Variants in ZCCHC4 observed in about 807,000 individuals in gnomAD.
ZCCHC4 encodes rRNA N(6)-adenosine-methyltransferase ZCCHC4.
In ZCCHC4, 54 loss-of-function variants were observed where a neutral mutation model predicts 67.7. The ratio of observed to expected loss-of-function variants is 0.80; its 90% CI spans 0.64 to 1.00. The LOEUF (loss-of-function observed/expected upper bound fraction) is 1.00. Ranked by LOEUF, ZCCHC4 falls within the 50% of genes least tolerant of loss-of-function variation. ZCCHC4 has a pLI of 0.00. For missense variants in ZCCHC4, 609 were observed against 617.0 expected, an observed-to-expected ratio of 0.99 and a Z score of 0.14; for synonymous variants, 198 against 213.5, an observed-to-expected ratio of 0.93 and a Z score of 0.63.
At chr4:25,314,430 C>G (rs187261650) in intron 2 of ZCCHC4, among the ~76,000 whole-genome samples, 1 of 152,198 alleles carries the variant, frequency 6.6e-6, no homozygotes, top group South Asian at 2.1e-4. Context: ...TGTGTGTTAG[C>G]TTGGGCTTCT....
chr4:25,325,307 T>C lies in ZCCHC4; in HGVS notation c.330-7876T>C, dbSNP rs1238285633. Among the ~76,000 whole-genome samples the C allele has an allele frequency of 9.5e-5, 14 of 147,194 alleles. No individual in the cohort carries two copies. In the East Asian group the frequency reaches 1.4e-3, roughly 14 times the overall value. ...CTTGGGTCGTCTTTTCACTCTCTCT[T>C]TTTTTTTTTTTTGGCAGTGGTGCCA... On this transcript the variant is annotated intron_variant, in intron 3 of 12. Transcript: ENST00000302874.
chr4:25,361,514 G>A (rs1720735936), intron 8 of ZCCHC4, among the ~76,000 whole-genome samples: 1 of 152,228 alleles, frequency 6.6e-6, no homozygotes, highest in South Asian at 2.1e-4. Context: ...GCCCGTGCTT[G>A]GCCTGGAGCC....
intron 8 of ZCCHC4, among the ~76,000 whole-genome samples, chr4:25,360,896 C>T (rs191958989): frequency 6.6e-6 from 1 of 152,304 alleles, no homozygotes; most frequent in Non-Finnish European, 1.5e-5. Context: ...TGGTTTGAAA[C>T]TGGGCATGGG....
chr4:25,326,021 G>A (rs967624402), intron 3 of ZCCHC4, among the ~76,000 whole-genome samples: 2 of 152,232 alleles, frequency 1.3e-5, no homozygotes, highest in African/African-American at 4.8e-5. Context: ...TGCTGCTGGA[G>A]CAACTTACCA....
At chr4:25,319,019 G>A (rs1289692002) in intron 3 of ZCCHC4, among the ~76,000 whole-genome samples, 2 of 152,174 alleles carry the variant, frequency 1.3e-5, no homozygotes, top group Non-Finnish European at 2.9e-5. Flanking sequence ...TAGTAATGGG[G>A]TTGAGATATA....
In ZCCHC4 at chr4:25,334,495, G is replaced by A. The variant is rs565135104; in HGVS notation, c.686+507G>A. ...CAGGTCCCAAAGCAGAGGAGTAGCCGACAGATAGACTTTGTGAGAGGGTCA... is the reference window on the plus strand; with the variant it reads ...CAGGTCCCAAAGCAGAGGAGTAGCCAACAGATAGACTTTGTGAGAGGGTCA... On this transcript the variant is annotated intron_variant, in intron 5 of 12. Transcript: ENST00000302874. 5.9e-5 allele frequency among the ~76,000 whole-genome samples: 9 copies of A among 152,276 alleles called. No homozygotes were observed. The East Asian group carries it at 1.3e-3, about 23-fold the overall frequency.
At chr4:25,353,370 T>A (rs1282009656) in intron 8 of ZCCHC4, among the ~76,000 whole-genome samples, 1 of 152,252 alleles carries the variant, frequency 6.6e-6, no homozygotes, top group Non-Finnish European at 1.5e-5. Flanking sequence ...CTTGACTTCT[T>A]GAGCTCTGCT....
At chr4:25,331,195 C>T (rs893757770) in intron 3 of ZCCHC4, among the ~76,000 whole-genome samples, 3 of 152,156 alleles carry the variant, frequency 2.0e-5, no homozygotes, top group Non-Finnish European at 1.5e-5. Flanking sequence ...GCTAGTTGTC[C>T]GATATCTTCA....
rs141229300 is a variant in ZCCHC4, at chr4:25,315,358, G to A, written c.287G>A (p.Arg96Gln). Residue 96 changes from arginine to glutamine, a missense_variant, in exon 3 of 13, where the codon CGA becomes CAA. Coordinates refer to ENST00000302874, the MANE Select transcript of ZCCHC4 (RefSeq NM_024936.3). ...CTTGCTGCCCGAGAAGCTCATAACCGAAGATGTCAGCCTCCCCTGTCCCGA... is the reference window on the plus strand; with the variant it reads ...CTTGCTGCCCGAGAAGCTCATAACCAAAGATGTCAGCCTCCCCTGTCCCGA... ...ARLAAREAHN[R>Q]RCQPPLSRTQ... is the part of the protein sequence containing the mutation. The A allele has an allele frequency of 8.6e-4, 1,384 of 1,612,972 alleles. 7 individuals carry two copies. Among genetic ancestry groups the A allele is most frequent in the Non-Finnish European group, 4.6e-4 (541 of 1,179,342 alleles).
chr4:25,334,387 T>G (rs573478242), intron 5 of ZCCHC4, among the ~76,000 whole-genome samples: 2 of 152,388 alleles, frequency 1.3e-5, no homozygotes, highest in Admixed American at 1.3e-4. Context: ...GACATTTCTT[T>G]TAGTATATTT....
intron 7 of ZCCHC4, 52 bp downstream of exon 7, chr4:25,349,694 G>A: frequency 6.4e-7 from 1 of 1,569,266 alleles, no homozygotes; most frequent in Non-Finnish European, 8.7e-7. Context: ...TCTACTTCCT[G>A]TCAAATATTA....
intron 5 of ZCCHC4, among the ~76,000 whole-genome samples, chr4:25,342,996 A>G (rs1719828919): frequency 6.6e-6 from 1 of 152,182 alleles, no homozygotes. Flanking sequence ...AATGACAACA[A>G]TAGGGATTAT....
At chr4:25,333,773 C>A in intron 4 of ZCCHC4, 135 bp from the exon 5 acceptor site, 1 of 699,250 alleles carries the variant, frequency 1.4e-6, no homozygotes, top group Non-Finnish European at 2.2e-6. Context: ...CTTGATTATA[C>A]CTGCCAAATT....
intron 7 of ZCCHC4, among the ~76,000 whole-genome samples, chr4:25,350,716 T>G (rs560617125): frequency 4.0e-4 from 61 of 152,330 alleles, no homozygotes; most frequent in African/African-American, 1.4e-3. Context: ...AAATGAAATA[T>G]AAAACGTGAC....
At chr4:25,319,045 T>C in intron 3 of ZCCHC4, among the ~76,000 whole-genome samples, 1 of 152,286 alleles carries the variant, frequency 6.6e-6, no homozygotes, top group East Asian at 1.9e-4. Flanking sequence ...AAAGATAATT[T>C]AGTATAAAGT....
rs771042100 is a variant in ZCCHC4 at position 25,351,600 on chromosome 4, A to G, written c.922A>G (p.Lys308Glu). The G allele has an allele frequency of 1.9e-6, 3 of 1,607,904 alleles. No individual in the cohort carries two copies. Among genetic ancestry groups the G allele is most frequent in the Admixed American group, 3.4e-5 (2 of 59,554 alleles). ...KEGQSQDDSH[K>E]ELPIFWIFPY... ...TTGTGATCCATTAGATGACAGTCAC[A>G]AAGAACTACCCATTTTCTGGATTTT... Residue 308 changes from lysine (K) to glutamate (E), a missense_variant, in exon 8 of 13, where the codon AAA (lysine) becomes GAA (glutamate). By Grantham distance (56) the Lys-to-Glu change is moderately conservative. Coordinates refer to ENST00000302874, the MANE Select transcript of ZCCHC4 (RefSeq NM_024936.3).
rs113667142 is a variant in ZCCHC4 at position 25,328,405 on chromosome 4, A to C, written c.330-4778A>C. On this transcript the variant is annotated intron_variant, in intron 3 of 12. Coordinates refer to ENST00000302874, the MANE Select transcript of ZCCHC4 (RefSeq NM_024936.3). The stretch of plus-strand genomic sequence containing the variant: ...CAGGCACCCACCACCATGCCCAGCT[A>C]ATTTTTGTATTTTTCGTAGAGATGG... 9.3e-3 allele frequency among the ~76,000 whole-genome samples: 1,418 copies of C among 152,046 alleles called. 25 individuals carry two copies. Among genetic ancestry groups the C allele is most frequent in the African/African-American group, 0.033 (1,352 of 41,470 alleles).
intron 3 of ZCCHC4, among the ~76,000 whole-genome samples, chr4:25,330,109 G>A (rs952907427): frequency 1.3e-4 from 19 of 151,956 alleles, no homozygotes; most frequent in African/African-American, 4.6e-4. Flanking sequence ...TCCTGCCTTG[G>A]CCTCCCAAGT....
intron 1 of ZCCHC4, 152 bp from the exon 2 acceptor site, chr4:25,313,894 A>T: frequency 1.7e-6 from 1 of 581,306 alleles, no homozygotes; most frequent in East Asian, 2.7e-5. Context: ...CCCTAACAAA[A>T]CAAAAAACAA....
Sources: allele counts gnomAD v4.1 joint callset (sites outside exome capture counted in the v4.1 genomes callset), GRCh38; gene constraint gnomAD v4.1.1; transcripts MANE v1.5; gene names NCBI Gene and HGNC (gene_info 2026-07-23, HGNC 2026-07-21).